The following IGSF21 variants were observed in gnomAD, a reference collection of about 807,000 sequenced individuals.
The protein encoded by IGSF21 is immunoglobin superfamily member 21.
In IGSF21, 28 loss-of-function variants were observed where a neutral mutation model predicts 46.8. The ratio of observed to expected loss-of-function variants is 0.60; its 90% CI spans 0.44 to 0.82. The LOEUF is 0.82. IGSF21 is among the 40% of genes least tolerant of loss of function. The probability of loss-of-function intolerance (pLI) is 0.00; values close to 1 mark genes in which losing one functional copy is unlikely to be tolerated. For synonymous variants in IGSF21, 284 were observed against 273.6 expected, an observed-to-expected ratio of 1.04 and a Z score of -0.38; for missense variants, 624 against 665.5, an observed-to-expected ratio of 0.94 and a Z score of 0.69.
Position 18,291,876 on chromosome 1 carries a change from G to A in IGSF21, c.194G>A (p.Gly65Asp). The change falls in exon 3 of 10, where the codon GGT (glycine) becomes GAT (aspartate). Residue 65 changes from glycine (G) to aspartate (D), a missense_variant. Physicochemically the swap from Gly to Asp is moderately conservative, Grantham distance 94 (BLOSUM62 -1). Transcript: ENST00000251296. Reference protein sequence around the residue: ...REIVWYRVTDGGTIKQKIFTF... With the variant: ...REIVWYRVTDDGTIKQKIFTF... ...TGTGCTCTGTGGCAGGTGACGGATG[G>A]TGGCACCATCAAGCAAAAGATCTTC... The A allele has an allele frequency of 6.2e-7, 1 of 1,614,042 alleles. No individual in the cohort carries two copies.
intron 1 of IGSF21, among the ~76,000 whole-genome samples, chr1:18,181,914 T>G (rs1225594934): frequency 6.6e-6 from 1 of 152,060 alleles, no homozygotes; most frequent in Non-Finnish European, 1.5e-5. Context: ...TCTGATGAGC[T>G]CTGCTATAAA....
intron 2 of IGSF21, 44 bp from the exon 3 acceptor site, chr1:18,291,822 C>A (rs768083968): frequency 1.5e-5 from 24 of 1,604,836 alleles, no homozygotes; most frequent in Non-Finnish European, 1.8e-5. Context: ...GTGACCAGGG[C>A]CGGTTGAGCA....
intron 1 of IGSF21, among the ~76,000 whole-genome samples, chr1:18,138,257 C>T (rs546614167): frequency 1.5e-4 from 23 of 152,292 alleles, no homozygotes; most frequent in Admixed American, 2.6e-4. Flanking sequence ...AATAATCCCT[C>T]GCAGGACATG....
In IGSF21 at chr1:18,365,622, G is replaced by A. The variant is rs377200558; in HGVS notation, c.940G>A (p.Asp314Asn). 2.0e-5 allele frequency: 32 copies of A among 1,614,036 alleles called. No individual in the cohort carries two copies. The highest frequency in any genetic ancestry group is 2.4e-5 in the Non-Finnish European group (28 of 1,180,036). Residue 314 changes from aspartate to asparagine, a missense_variant, in exon 6 of 10, where the codon GAC (aspartate) becomes AAC (asparagine). Coordinates refer to ENST00000251296, the MANE Select transcript of IGSF21 (RefSeq NM_032880.5). The surrounding 1 kb of genome is among the most constrained non-coding windows in gnomAD (Gnocchi z 4.8). ...CACCTGGACCCTCAACCCACAGATC[G>A]ACAACGAGGCCCTCTTCAGCTGCGA... ...LLTWTLNPQI[D>N]NEALFSCEVK...
intron 1 of IGSF21, among the ~76,000 whole-genome samples, chr1:18,190,799 A>G (rs2124475846): frequency 6.6e-6 from 1 of 152,152 alleles, no homozygotes; most frequent in East Asian, 1.9e-4. Context: ...CTATCACGCC[A>G]TCTCCCCAGG....
At chr1:18,316,945 TAGAC>T (rs748653962) in intron 3 of IGSF21, among the ~76,000 whole-genome samples, 43 of 152,206 alleles carry the variant, frequency 2.8e-4, no homozygotes, top group Non-Finnish European at 5.1e-4. Flanking sequence ...GGGCTGCAAG[TAGAC>T]AGAGTGGCTC....
intron 2 of IGSF21, among the ~76,000 whole-genome samples, chr1:18,284,517 C>A (rs1455837943): frequency 1.3e-5 from 2 of 152,214 alleles, no homozygotes; most frequent in Non-Finnish European, 2.9e-5. Flanking sequence ...TTGCATTTTG[C>A]AAGATGCTTT....
intron 2 of IGSF21, among the ~76,000 whole-genome samples, chr1:18,268,102 C>A (rs1338653671): frequency 2.6e-5 from 4 of 152,258 alleles, no homozygotes; most frequent in African/African-American, 7.2e-5. Context: ...TCAATGCATG[C>A]AGAATGCAGG....
At chr1:18,157,860 A>G (rs1226780041) in intron 1 of IGSF21, among the ~76,000 whole-genome samples, 2 of 152,078 alleles carry the variant, frequency 1.3e-5, no homozygotes, top group African/African-American at 2.4e-5. Context: ...CAGGGCTCCC[A>G]TAGGGTCTCC....
chr1:18,194,524 GTTC>G (rs1166968467), intron 1 of IGSF21, among the ~76,000 whole-genome samples: 1 of 152,174 alleles, frequency 6.6e-6, no homozygotes, highest in Non-Finnish European at 1.5e-5. Context: ...AAATCTTGGT[GTTC>G]TTTGGTTTGT....
At chr1:18,117,370 G>A (rs1240553518) in intron 1 of IGSF21, among the ~76,000 whole-genome samples, 1 of 152,214 alleles carries the variant, frequency 6.6e-6, no homozygotes, top group Non-Finnish European at 1.5e-5. Flanking sequence ...GAAGGGAGGA[G>A]GAGCGCGGTC....
intron 1 of IGSF21, among the ~76,000 whole-genome samples, chr1:18,192,384 C>A (rs1000116816): frequency 6.6e-6 from 1 of 152,352 alleles, no homozygotes; most frequent in Admixed American, 6.5e-5. Context: ...TTCTCATCTG[C>A]AAGATGGGAA....
intron 2 of IGSF21, among the ~76,000 whole-genome samples, chr1:18,270,477 G>A (rs2085032004): frequency 6.6e-6 from 1 of 152,224 alleles, no homozygotes; most frequent in Non-Finnish European, 1.5e-5. Context: ...GGGCAAGAGG[G>A]AGCCCTTGGT....
intron 1 of IGSF21, among the ~76,000 whole-genome samples, chr1:18,224,460 T>C (rs1008565869): frequency 6.6e-6 from 1 of 152,152 alleles, no homozygotes; most frequent in Admixed American, 6.5e-5. Context: ...TTGCCTTCTA[T>C]CACTTCACTC....
At chr1:18,364,898 C>T (rs1166676045) in intron 5 of IGSF21, among the ~76,000 whole-genome samples, 1 of 152,204 alleles carries the variant, frequency 6.6e-6, no homozygotes, top group Non-Finnish European at 1.5e-5. Flanking sequence ...TGTGGTTCCA[C>T]TGATGCACCC....
At chr1:18,178,199 C>T (rs563002758) in intron 1 of IGSF21, among the ~76,000 whole-genome samples, 17 of 152,242 alleles carry the variant, frequency 1.1e-4, no homozygotes, top group Non-Finnish European at 2.2e-4. Flanking sequence ...GTTGACCTGC[C>T]GCAGGCCAGC....
chr1:18,371,814 C>G (rs1412194132), intron 6 of IGSF21, among the ~76,000 whole-genome samples: 1 of 152,202 alleles, frequency 6.6e-6, no homozygotes, highest in Non-Finnish European at 1.5e-5. Context: ...TCCACCCCTT[C>G]TCTTGCTTTG....
chr1:18,152,843 G>A (rs968078929), intron 1 of IGSF21, among the ~76,000 whole-genome samples: 1 of 152,080 alleles, frequency 6.6e-6, no homozygotes, highest in Non-Finnish European at 1.5e-5. Context: ...CCTTAGCTCT[G>A]CCAGTTAGTA....
intron 1 of IGSF21, among the ~76,000 whole-genome samples, chr1:18,154,253 G>T (rs2086547675): frequency 6.6e-6 from 1 of 152,118 alleles, no homozygotes; most frequent in African/African-American, 2.4e-5. Context: ...CTCCTTACAG[G>T]GGACTTGGAT....
Sources: allele counts gnomAD v4.1 joint callset (sites outside exome capture counted in the v4.1 genomes callset), GRCh38; gene constraint gnomAD v4.1.1; non-coding constraint Gnocchi (gnomAD v3.1); transcripts MANE v1.5; gene names NCBI Gene and HGNC (gene_info 2026-07-23, HGNC 2026-07-21).